The following DLGAP2 variants were observed in gnomAD, a reference collection of about 807,000 sequenced individuals.
DLGAP2 encodes disks large-associated protein 2.
DLGAP2 carries 26 observed loss-of-function variants against 100.3 expected under a neutral mutation model. That is an observed-to-expected ratio of 0.26 (90% CI 0.19 to 0.36). DLGAP2 has a LOEUF of 0.36. DLGAP2 is among the 10% of genes least tolerant of loss of function. The pLI is 1.00. For missense variants in DLGAP2, 1,858 were observed against 1,453.2 expected, an observed-to-expected ratio of 1.28 and a Z score of -4.53; for synonymous variants, 886 against 630.1, an observed-to-expected ratio of 1.41 and a Z score of -6.08.
At chr8:1,459,905 C>G (rs1267621705) in intron 3 of DLGAP2, among the ~76,000 whole-genome samples, 4 of 152,202 alleles carry the variant, frequency 2.6e-5, no homozygotes, top group Admixed American at 6.5e-5. Context: ...AGGCTGGTCT[C>G]AAACTCCTGA....
At chr8:1,279,440 A>G (rs1040421788) in intron 3 of DLGAP2, among the ~76,000 whole-genome samples, 2 of 152,234 alleles carry the variant, frequency 1.3e-5, no homozygotes, top group African/African-American at 4.8e-5. Context: ...GTTCAAAACT[A>G]AGCTTCAAGG....
At chr8:1,359,809 G>C (rs62487412) in intron 3 of DLGAP2, among the ~76,000 whole-genome samples, 14,068 of 152,294 alleles carry the variant, frequency 0.092, 993 homozygotes, top group East Asian at 0.36. Context: ...GGGCTTCATG[G>C]ACTTCTCCTT....
At chr8:1,150,666 G>C (rs889733510) in intron 2 of DLGAP2, among the ~76,000 whole-genome samples, 2 of 152,290 alleles carry the variant, frequency 1.3e-5, no homozygotes, top group South Asian at 4.1e-4. Flanking sequence ...CAACTTGGAG[G>C]TTATTCTAAT....
At chr8:1,096,623 G>T (rs75499847) in intron 2 of DLGAP2, among the ~76,000 whole-genome samples, 3 of 149,992 alleles carry the variant, frequency 2.0e-5, no homozygotes, top group Non-Finnish European at 4.5e-5. Context: ...CCCCTCCAGC[G>T]TGAGACCCAC....
intron 5 of DLGAP2, among the ~76,000 whole-genome samples, chr8:1,561,611 C>T (rs1347997504): frequency 6.6e-6 from 1 of 152,216 alleles, no homozygotes; most frequent in African/African-American, 2.4e-5. Context: ...CCTGGGCCAC[C>T]TTGGGGGTGC....
intron 3 of DLGAP2, among the ~76,000 whole-genome samples, chr8:1,446,666 T>C (rs1302572294): frequency 6.6e-6 from 1 of 152,248 alleles, no homozygotes; most frequent in Admixed American, 6.5e-5. Context: ...GCATTGAATG[T>C]ATAAATTACC....
chr8:1,097,162 C>T (rs1294471404), intron 2 of DLGAP2, among the ~76,000 whole-genome samples: 9 of 127,532 alleles, frequency 7.1e-5, no homozygotes, highest in Middle Eastern at 6.0e-3. Context: ...TCCCCTCCAG[C>T]GTGAGACCCA....
intron 4 of DLGAP2, among the ~76,000 whole-genome samples, chr8:1,507,023 C>G (rs185492215): frequency 6.6e-6 from 1 of 152,266 alleles, no homozygotes; most frequent in African/African-American, 2.4e-5. Context: ...ACACAGAGTT[C>G]TCATTGGTGC....
At chr8:923,865 C>G (rs1197084715) in intron 2 of DLGAP2, among the ~76,000 whole-genome samples, 1 of 152,200 alleles carries the variant, frequency 6.6e-6, no homozygotes, top group African/African-American at 2.4e-5. Flanking sequence ...GAGATGCACA[C>G]TCAAGTAATT....
In DLGAP2 at chr8:1,703,123, G is replaced by A. The variant is rs1347329722; in HGVS notation, c.*1717G>A. The A allele has an allele frequency of 6.6e-6, 1 of 152,658 alleles. No homozygotes were observed. Among genetic ancestry groups the A allele is most frequent in the Non-Finnish European group, 1.5e-5 (1 of 68,038 alleles). The allele number at this position is 152,658 out of a possible 1,614,324, so 9.5% of individuals were successfully genotyped here. ...GCATGGGACCATTGGGAGCAGAGCTGATATTAAAGCATGTTTAGCTTCGAA... is the reference window on the plus strand; with the variant it reads ...GCATGGGACCATTGGGAGCAGAGCTAATATTAAAGCATGTTTAGCTTCGAA... On this transcript the variant is annotated 3_prime_UTR_variant, in exon 15 of 15. Transcript: ENST00000637795.
At chr8:1,021,209 C>G (rs573856811) in intron 2 of DLGAP2, among the ~76,000 whole-genome samples, 1 of 152,104 alleles carries the variant, frequency 6.6e-6, no homozygotes, top group African/African-American at 2.4e-5. Flanking sequence ...ATATTGTTAC[C>G]CTTGACATCA....
chr8:1,700,373 G>C (rs1213590012), intron 14 of DLGAP2, among the ~76,000 whole-genome samples: 2 of 151,508 alleles, frequency 1.3e-5, no homozygotes, highest in Non-Finnish European at 2.9e-5. Context: ...GCTCTGTCCA[G>C]AAGGGGAGAC....
At chr8:950,749 G>A (rs573280738) in intron 2 of DLGAP2, among the ~76,000 whole-genome samples, 1 of 151,452 alleles carries the variant, frequency 6.6e-6, no homozygotes, top group Non-Finnish European at 1.5e-5. Context: ...AGCCTCCCGA[G>A]TAGCTGGGAT....
At chr8:1,347,492 T>C (rs1281978079) in intron 3 of DLGAP2, among the ~76,000 whole-genome samples, 1 of 152,098 alleles carries the variant, frequency 6.6e-6, no homozygotes, top group Non-Finnish European at 1.5e-5. Flanking sequence ...GGGGGCTGTG[T>C]GTAGGTTCAT....
In DLGAP2 at chr8:889,478, G is replaced by C. The variant is rs142590412; in HGVS notation, c.19-18434G>C. On this transcript the variant is annotated intron_variant, in intron 1 of 14. Coordinates refer to ENST00000637795, the MANE Select transcript of DLGAP2 (RefSeq NM_001346810.2). ...CTAGGGAGTTCTGGGGTCTGTCCCT[G>C]AGCTTCTGGCTGGAGTTATTGGAGT... 2.5e-3 allele frequency among the ~76,000 whole-genome samples: 377 copies of C among 152,278 alleles called. 3 individuals carry two copies. The highest frequency in any genetic ancestry group is 0.018 in the South Asian group (88 of 4,822).
intron 1 of DLGAP2, among the ~76,000 whole-genome samples, chr8:781,409 A>T (rs1821683383): frequency 6.6e-6 from 1 of 151,630 alleles, no homozygotes; most frequent in African/African-American, 2.4e-5. Context: ...AATCGATAAG[A>T]CCTCAGGGAT....
Position 1,501,360 on chromosome 8 carries a change from T to C in DLGAP2, c.107-6T>C. 1 of 1,535,882 alleles carries C rather than the reference T, an allele frequency of 6.5e-7. No individual in the cohort carries two copies. The highest frequency in any genetic ancestry group is 8.7e-7 in the Non-Finnish European group (1 of 1,146,734). Reference sequence around the variant, plus strand: ...TTAAAGAGTGACTTTGTTTCTGTCTTTGCAGAGGAAGAAGCTGGAGACTTG... The same window carrying C: ...TTAAAGAGTGACTTTGTTTCTGTCTCTGCAGAGGAAGAAGCTGGAGACTTG... On this transcript the variant is annotated splice_region_variant and splice_polypyrimidine_tract_variant and intron_variant, in intron 3 of 14. Transcript: ENST00000637795.
At chr8:829,556 T>G (rs965318994) in intron 1 of DLGAP2, among the ~76,000 whole-genome samples, 3 of 152,236 alleles carry the variant, frequency 2.0e-5, no homozygotes, top group African/African-American at 7.2e-5. Flanking sequence ...AAAAAGGACC[T>G]TCAATCTTAT....
At chr8:1,160,639 G>T (rs1025072464) in intron 2 of DLGAP2, among the ~76,000 whole-genome samples, 2 of 152,170 alleles carry the variant, frequency 1.3e-5, no homozygotes, top group African/African-American at 4.8e-5. Context: ...TCTCCGCTGG[G>T]CCCCATTCGT....
Sources: gnomAD v4.1 joint callset for allele counts (sites outside exome capture counted in the v4.1 genomes callset) on GRCh38, gnomAD v4.1.1 for gene constraint, MANE v1.5 for transcripts, NCBI Gene and HGNC (gene_info 2026-07-23, HGNC 2026-07-21) for gene names.